Variants in PHACTR2 observed in about 807,000 individuals in gnomAD.
PHACTR2 encodes the protein chromosome 6 open reading frame 56.
PHACTR2 carries 30 observed loss-of-function variants against 76.0 expected under a neutral mutation model. That is an observed-to-expected ratio of 0.39 (90% CI 0.30 to 0.54). PHACTR2 has a LOEUF of 0.54. Among genes scored for constraint, PHACTR2 ranks in the 20% least tolerant of loss-of-function variants. The pLI is 0.61. For synonymous variants in PHACTR2, 292 were observed against 292.5 expected (o/e 1.00, Z 0.02); for missense variants, 696 against 781.1 (o/e 0.89, Z 1.30).
intron 3 of PHACTR2, among the ~76,000 whole-genome samples, chr6:143,752,988 T>C (rs566208763): frequency 6.6e-6 from 1 of 152,280 alleles, no homozygotes; most frequent in African/African-American, 2.4e-5. Context: ...TAGTAATTTA[T>C]GATTTAGATC....
At chr6:143,544,916 T>C (rs1781209649) in intron 1 of PHACTR2, among the ~76,000 whole-genome samples, 1 of 151,860 alleles carries the variant, frequency 6.6e-6, no homozygotes, top group Non-Finnish European at 1.5e-5. Context: ...AATGGGGATT[T>C]CCAAAATTTA....
rs567545260 is a variant in PHACTR2 at position 143,730,469 on chromosome 6, C to T, written c.214+18286C>T. On this transcript the variant is annotated intron_variant, in intron 2 of 12. Coordinates refer to ENST00000440869, the MANE Select transcript of PHACTR2 (RefSeq NM_001100164.2). This position sits in a 1 kb window ranked among gnomAD's most constrained non-coding sequence, Gnocchi z 4.8. Reference sequence around the variant, plus strand: ...TTTAAATGTCAATTTCCAGTTGTTCCTTGTATCATGCTACCTTATTAAACT... The same window carrying T: ...TTTAAATGTCAATTTCCAGTTGTTCTTTGTATCATGCTACCTTATTAAACT... 6.6e-6 allele frequency among the ~76,000 whole-genome samples: 1 copy of T among 152,024 alleles called. No homozygotes were observed. The highest frequency in any genetic ancestry group is 1.9e-4 in the East Asian group (1 of 5,186).
At chr6:143,706,412 C>T (rs371501203) in intron 1 of PHACTR2, among the ~76,000 whole-genome samples, 21 of 152,292 alleles carry the variant, frequency 1.4e-4, no homozygotes, top group Admixed American at 4.6e-4. Context: ...GTCTATAATT[C>T]ATTTACTTAT....
At position 143,598,008 on chromosome 6, in the gene PHACTR2, G is replaced by T. The variant is rs1775773023; in HGVS notation, c.217+60801G>T. Among the ~76,000 whole-genome samples the T allele has an allele frequency of 6.6e-6, 1 of 152,116 alleles. No homozygotes were observed. The highest frequency in any genetic ancestry group is 2.4e-5 in the African/African-American group (1 of 41,422). Reference sequence around the variant, plus strand: ...GGCTGTTTCTGAGCCTGTTCCTGGGGAGAGGCAACTTTAGTTAAGGTGACT... The same window carrying T: ...GGCTGTTTCTGAGCCTGTTCCTGGGTAGAGGCAACTTTAGTTAAGGTGACT... On this transcript the variant is annotated intron_variant, in intron 1 of 11. Transcript: ENST00000367584. This position sits in a 1 kb window ranked among gnomAD's most constrained non-coding sequence, Gnocchi z 4.1.
chr6:143,793,773 C>T lies in PHACTR2; in HGVS notation c.1845+4863C>T, dbSNP rs550856834. Among the ~76,000 whole-genome samples, 7 of 151,744 alleles carry T rather than the reference C, an allele frequency of 4.6e-5. No homozygotes were observed. Among genetic ancestry groups the T allele is most frequent in the East Asian group, 1.9e-4 (1 of 5,184 alleles). On this transcript the variant is annotated intron_variant, in intron 11 of 12. Coordinates refer to ENST00000440869, the MANE Select transcript of PHACTR2 (RefSeq NM_001100164.2). This position sits in a 1 kb window ranked among gnomAD's most constrained non-coding sequence, Gnocchi z 4.4. Reference sequence around the variant, plus strand: ...CTACTAAAAAATACAAAAAATTAGCCGGGTGTGGTGGCGCGTACCTGTAGT... The same window carrying T: ...CTACTAAAAAATACAAAAAATTAGCTGGGTGTGGTGGCGCGTACCTGTAGT...
At chr6:143,660,280 T>C (rs1023620631) in intron 1 of PHACTR2, among the ~76,000 whole-genome samples, 3 of 151,482 alleles carry the variant, frequency 2.0e-5, no homozygotes, top group Non-Finnish European at 2.9e-5. Flanking sequence ...CTTAGAGTTC[T>C]ACATGGCTAA....
chr6:143,604,045 C>A (rs370973852), upstream of PHACTR2, among the ~76,000 whole-genome samples: 14 of 149,692 alleles, frequency 9.4e-5, no homozygotes, highest in African/African-American at 3.4e-4. Context: ...TTGCAGTGAG[C>A]CGAGATCATG....
At position 143,739,844 on chromosome 6, in the gene PHACTR2, T is replaced by C. The variant is rs9496765; in HGVS notation, c.215-9141T>C. ...GCGCAGGTCTAAGACAATCACCTCT[T>C]CCCTCCTCCCACCTCGGTCTTATCT... On this transcript the variant is annotated intron_variant, in intron 2 of 12. Coordinates refer to ENST00000440869, the MANE Select transcript of PHACTR2 (RefSeq NM_001100164.2). The surrounding 1 kb of genome is among the most constrained non-coding windows in gnomAD (Gnocchi z 4.3). Among the ~76,000 whole-genome samples the C allele has an allele frequency of 8.7e-3, 1,324 of 152,220 alleles. 11 individuals carry two copies. The highest frequency in any genetic ancestry group is 0.029 in the African/African-American group (1,201 of 41,514).
In PHACTR2 at chr6:143,712,445, G is replaced by T. The variant is rs956634240; in HGVS notation, c.214+262G>T. 2.5e-5 allele frequency: 4 copies of T among 159,388 alleles called. No individual in the cohort carries two copies. The East Asian group carries it at 6.8e-4, about 27-fold the overall frequency. 9.9% of individuals were successfully genotyped at this position (159,388 alleles called of 1,614,324 possible). ...TTTATATAAAAAATGGATTGGTGAG[G>T]CGAGGGAGTGAAATAGTAGAAAATG... On this transcript the variant is annotated intron_variant, in intron 2 of 12. Coordinates refer to ENST00000440869, the MANE Select transcript of PHACTR2 (RefSeq NM_001100164.2).
rs1582687685 is a variant in PHACTR2, at chr6:143,591,927, G to A, written c.217+54720G>A. On this transcript the variant is annotated intron_variant, in intron 1 of 11. Coordinates refer to the PHACTR2 transcript ENST00000367584. This position sits in a 1 kb window ranked among gnomAD's most constrained non-coding sequence, Gnocchi z 6.4. The stretch of plus-strand genomic sequence containing the variant: ...CACTTCCCTAGATCTATTTTTAGGA[G>A]ATTGAAGGCAGATTGTACTTCTGGT... Among the ~76,000 whole-genome samples the A allele has an allele frequency of 6.6e-6, 1 of 152,204 alleles. No individual in the cohort carries two copies. The highest frequency in any genetic ancestry group is 1.5e-5 in the Non-Finnish European group (1 of 68,032).
upstream of PHACTR2, among the ~76,000 whole-genome samples, chr6:143,676,975 A>G (rs1777260873): frequency 6.8e-6 from 1 of 146,880 alleles, no homozygotes. The surrounding 1 kb of genome is among the most constrained non-coding windows in gnomAD (Gnocchi z 4.8). Context: ...GAAAAAAATG[A>G]TTTTCATGTT....
At chr6:143,567,250 A>C (rs925476436) in intron 1 of PHACTR2, among the ~76,000 whole-genome samples, 6 of 152,262 alleles carry the variant, frequency 3.9e-5, no homozygotes, top group Non-Finnish European at 2.9e-5. Flanking sequence ...GAAAACCCCC[A>C]AAAATTTAGA....
At chr6:143,748,765 C>G (rs1344153330) in intron 2 of PHACTR2, among the ~76,000 whole-genome samples, 1 of 152,130 alleles carries the variant, frequency 6.6e-6, no homozygotes, top group African/African-American at 2.4e-5. Context: ...TTTGAAAGAC[C>G]AGGGATGGCG....
chr6:143,555,201 TA>T (rs1218319244), intron 1 of PHACTR2: 3 of 152,264 alleles, frequency 2.0e-5, no homozygotes, highest in Admixed American at 6.5e-5. Context: ...TCTGCACATT[TA>T]CGTCGAGCCT....
Position 143,792,282 on chromosome 6 carries a change from C to T in PHACTR2, c.1845+3372C>T, listed in dbSNP as rs74529059. ...TCCCAGCTGTTTAGTACATTTAAAG[C>T]AGTTTTTAGATGCCATGTTTAGCAT... On this transcript the variant is annotated intron_variant, in intron 11 of 12. Coordinates refer to ENST00000440869, the MANE Select transcript of PHACTR2 (RefSeq NM_001100164.2). 3.0e-3 allele frequency among the ~76,000 whole-genome samples: 461 copies of T among 152,038 alleles called. 1 individual carries two copies. The highest frequency in any genetic ancestry group is 4.3e-3 in the Admixed American group (66 of 15,236).
intron 2 of PHACTR2, among the ~76,000 whole-genome samples, chr6:143,736,512 C>A (rs1432818858): frequency 7.0e-6 from 1 of 142,308 alleles, no homozygotes; most frequent in Non-Finnish European, 1.5e-5. Context: ...GAGAAAAAAA[C>A]TCCTATTTCT....
Position 143,548,963 on chromosome 6 carries a change from C to A in PHACTR2, c.217+11756C>A, listed in dbSNP as rs1169320673. Reference sequence around the variant, plus strand: ...TAAGAATAGGAAGGATGATGGAAATCATTGGCTGGGGTGAGGTGGGGGCAC... The same window carrying A: ...TAAGAATAGGAAGGATGATGGAAATAATTGGCTGGGGTGAGGTGGGGGCAC... On this transcript the variant is annotated intron_variant, in intron 1 of 11. Coordinates refer to the PHACTR2 transcript ENST00000367584. The surrounding 1 kb of genome is among the most constrained non-coding windows in gnomAD (Gnocchi z 4.5). Among the ~76,000 whole-genome samples, 1 of 151,866 alleles carries A rather than the reference C, an allele frequency of 6.6e-6. No individual in the cohort carries two copies. Among genetic ancestry groups the A allele is most frequent in the African/African-American group, 2.4e-5 (1 of 41,392 alleles).
chr6:143,749,176 G>A, intron 3 of PHACTR2, 111 bp downstream of exon 3: 1 of 627,512 alleles, frequency 1.6e-6, no homozygotes, highest in African/African-American at 1.9e-5. Flanking sequence ...GTAAAGCGGT[G>A]ATTACTGCAT....
At position 143,794,064 on chromosome 6, in the gene PHACTR2, A is replaced by C. The variant is rs942914095; in HGVS notation, c.1845+5154A>C. 1.4e-4 allele frequency among the ~76,000 whole-genome samples: 11 copies of C among 76,268 alleles called. No homozygotes were observed. The highest frequency in any genetic ancestry group is 2.9e-4 in the Non-Finnish European group (10 of 33,926). 50.0% of individuals were successfully genotyped at this position (76,268 alleles called of 152,430 possible). ...TCTGAATATTCAAAAATGCAAAAAT[A>C]AAAAAAGAACCACTTTAATGCACGG... On this transcript the variant is annotated intron_variant, in intron 11 of 12. Coordinates refer to ENST00000440869, the MANE Select transcript of PHACTR2 (RefSeq NM_001100164.2). This position sits in a 1 kb window ranked among gnomAD's most constrained non-coding sequence, Gnocchi z 4.1.
Sources: allele counts gnomAD v4.1 joint callset (sites outside exome capture counted in the v4.1 genomes callset), GRCh38; gene constraint gnomAD v4.1.1; non-coding constraint Gnocchi (gnomAD v3.1); transcripts MANE v1.5; gene names NCBI Gene and HGNC (gene_info 2026-07-23, HGNC 2026-07-21).